The following NBPF9 variants were observed in gnomAD, a reference collection of about 807,000 sequenced individuals.
The protein encoded by NBPF9 is NBPF member 9.
A neutral mutation model predicts 97.8 loss-of-function variants in NBPF9; 91 were observed. The ratio of observed to expected loss-of-function variants is 0.93; its 90% confidence interval spans 0.79 to 1.11. The LOEUF (loss-of-function observed/expected upper bound fraction) is 1.11. Ranked by LOEUF, NBPF9 falls within the 50% of genes least tolerant of loss-of-function variation. The pLI is 0.00. For missense variants in NBPF9, 992 were observed against 939.5 expected (o/e 1.06, Z -0.73); for synonymous variants, 334 against 359.5 (o/e 0.93, Z 0.80).
At chr1:149,086,521 A>C (rs1553658519) in intron 5 of NBPF9, among the ~76,000 whole-genome samples, 1 of 151,148 alleles carries the variant, frequency 6.6e-6, no homozygotes, top group South Asian at 2.1e-4. Flanking sequence ...ATTTAGCAGG[A>C]GACAAGATAA....
chr1:149,057,742 C>A (rs868944136), intron 27 of NBPF9, among the ~76,000 whole-genome samples: 166 of 101,916 alleles, frequency 1.6e-3, no homozygotes, highest in African/African-American at 5.5e-3. Flanking sequence ...CACACACACA[C>A]ACACACACAC....
At chr1:149,062,580 T>C (rs1285543455) in intron 21 of NBPF9, among the ~76,000 whole-genome samples, 36 of 139,016 alleles carry the variant, frequency 2.6e-4, no homozygotes, top group Admixed American at 6.7e-4. Context: ...ACAGTGATCA[T>C]GAAAAGAGTG....
exon 14 of NBPF9, chr1:149,072,870 C>G (rs587768291): frequency 1.7e-5 from 28 of 1,605,774 alleles, no homozygotes; most frequent in Non-Finnish European, 2.2e-5. Context: ...TCTCCCTTCC[C>G]GCAACTTCTC....
chr1:149,080,865 A>T (rs2080370581), intron 7 of NBPF9, among the ~76,000 whole-genome samples: 1 of 151,100 alleles, frequency 6.6e-6, no homozygotes, highest in African/African-American at 2.4e-5. Flanking sequence ...AATTCATTGC[A>T]GCAATTTACA....
At chr1:149,100,066 T>C (rs1553662912) in intron 3 of NBPF9, among the ~76,000 whole-genome samples, 1 of 144,140 alleles carries the variant, frequency 6.9e-6, no homozygotes, top group Non-Finnish European at 1.5e-5. Flanking sequence ...GTCGGCCCTT[T>C]AAATGGCTTA....
chr1:149,055,560 C>T (rs1553648552), exon 30 of NBPF9: 2 of 1,563,790 alleles, frequency 1.3e-6, no homozygotes, highest in African/African-American at 2.7e-5. Flanking sequence ...CATCCTATGT[C>T]TGGGCTTCCA....
At chr1:149,099,354 G>A (rs1475925628) in intron 3 of NBPF9, among the ~76,000 whole-genome samples, 1 of 152,208 alleles carries the variant, frequency 6.6e-6, no homozygotes, top group Non-Finnish European at 1.5e-5. Flanking sequence ...TTTTATGTCA[G>A]GTTGACTGTG....
intron 4 of NBPF9, among the ~76,000 whole-genome samples, chr1:149,098,065 G>A (rs1575881204): frequency 6.6e-6 from 1 of 151,722 alleles, no homozygotes; most frequent in East Asian, 1.9e-4. Flanking sequence ...CATGAAAGCT[G>A]AAGAGGAGAA....
At chr1:149,081,174 C>G (rs1176592648) in intron 7 of NBPF9, among the ~76,000 whole-genome samples, 1 of 151,994 alleles carries the variant, frequency 6.6e-6, no homozygotes, top group African/African-American at 2.4e-5. Context: ...TGCTGGAGTG[C>G]AATAGTGCAA....
In NBPF9 at chr1:149,064,861, T is replaced by C. The variant is rs1229837297; in HGVS notation, c.1802-379A>G. On this transcript the variant is annotated intron_variant, in intron 18 of 29. Transcript: ENST00000584027. ...CAGAATTTGATAGTTTATGAGATTG[T>C]GGACACAGAGATTTGATGAGGGGGT... 1.3e-5 allele frequency: 7 copies of C among 533,440 alleles called. No homozygotes were observed. The African/African-American group carries it at 1.3e-4, about 10-fold the overall frequency. 33.0% of individuals were successfully genotyped at this position (533,440 alleles called of 1,614,324 possible). A position where few individuals can be genotyped will look rare whatever the true frequency, so the allele number is the denominator to read the frequency against.
At chr1:149,072,373 G>A (rs1318047835) in intron 14 of NBPF9, among the ~76,000 whole-genome samples, 11 of 152,256 alleles carry the variant, frequency 7.2e-5, no homozygotes, top group East Asian at 1.9e-4. Flanking sequence ...GAACATTGCC[G>A]AAAAGACAGC....
chr1:149,056,172 T>A (rs1195403750), intron 29 of NBPF9, among the ~76,000 whole-genome samples: 1 of 150,670 alleles, frequency 6.6e-6, no homozygotes, highest in Non-Finnish European at 1.5e-5. Flanking sequence ...GGTAAGGGAG[T>A]AAAAGGACAC....
intron 4 of NBPF9, among the ~76,000 whole-genome samples, chr1:149,093,091 T>C (rs1412707070): frequency 6.6e-6 from 1 of 151,994 alleles, no homozygotes; most frequent in Non-Finnish European, 1.5e-5. Context: ...GAGGGGGATG[T>C]GGCAGGACAA....
chr1:149,084,515 G>A (rs1430230790), intron 5 of NBPF9, among the ~76,000 whole-genome samples: 1 of 147,928 alleles, frequency 6.8e-6, no homozygotes, highest in Non-Finnish European at 1.5e-5. Flanking sequence ...GACAGCACCT[G>A]CATCGAGCTC....
At chr1:149,070,788 G>A in intron 16 of NBPF9, 146 bp downstream of exon 16, 5 of 1,461,004 alleles carry the variant, frequency 3.4e-6, no homozygotes, top group Non-Finnish European at 4.7e-6. Flanking sequence ...GACATTAGCT[G>A]AGAAGGACAA....
Position 149,085,070 on chromosome 1 carries a change from C to G in NBPF9, c.-194-2640G>C, listed in dbSNP as rs1199942904. The stretch of plus-strand genomic sequence containing the variant: ...CTCCCCACAGCTTTGCCCACCTTTC[C>G]TTCACATACACACACCATTTTAATT... On this transcript the variant is annotated intron_variant, in intron 5 of 29. Coordinates refer to ENST00000584027, the Ensembl canonical transcript of NBPF9. Among the ~76,000 whole-genome samples, 6 of 152,104 alleles carry G rather than the reference C, an allele frequency of 3.9e-5. No homozygotes were observed. The East Asian group carries it at 1.2e-3, about 29-fold the overall frequency.
At chr1:149,065,143 G>T (rs1283149220) in intron 18 of NBPF9, 1 of 598,672 alleles carries the variant, frequency 1.7e-6, no homozygotes, top group African/African-American at 1.9e-5. Flanking sequence ...ACACAGACAT[G>T]CTTTGGGAAC....
In NBPF9 at chr1:149,077,802, C is replaced by T. The variant is rs1200029354; in HGVS notation, c.566+81G>A. On this transcript the variant is annotated intron_variant, in intron 10 of 29. Transcript: ENST00000584027. ...AAGGGGATGCGGGCTTTTGGCCCAC[C>T]ATAGATGCCAGAGAGGGTGTGCCTC... The T allele has an allele frequency of 5.7e-6, 9 of 1,581,032 alleles. No homozygotes were observed. The East Asian group carries it at 1.6e-4, about 27-fold the overall frequency.
intron 4 of NBPF9, among the ~76,000 whole-genome samples, chr1:149,091,662 CCTAA>C (rs1432873639): frequency 4.8e-5 from 7 of 145,962 alleles, no homozygotes; most frequent in Admixed American, 7.0e-5. Context: ...GGCTGTGGAT[CCTAA>C]CTAAGAAACT....
Sources: gnomAD v4.1 joint callset for allele counts (sites outside exome capture counted in the v4.1 genomes callset) on GRCh38, gnomAD v4.1.1 for gene constraint, MANE v1.5 for transcripts, NCBI Gene and HGNC (gene_info 2026-07-23, HGNC 2026-07-21) for gene names.